The following JOSD1 variants were observed in gnomAD, a reference collection of about 807,000 sequenced individuals.
JOSD1 encodes the protein Josephin domain containing 1.
In JOSD1, 11 loss-of-function variants were observed where a neutral mutation model predicts 24.3. The observed-to-expected ratio is 0.45, with a 90% confidence interval of 0.29 to 0.75. JOSD1 has a LOEUF of 0.75. Ranked by LOEUF, JOSD1 falls within the 30% of genes least tolerant of loss-of-function variation. The pLI, the probability that JOSD1 is intolerant of heterozygous loss-of-function variation, is 0.11. For synonymous variants in JOSD1, 106 were observed against 93.8 expected, an observed-to-expected ratio of 1.13 and a Z score of -0.75; for missense variants, 184 against 253.5, an observed-to-expected ratio of 0.73 and a Z score of 1.86.
At chr22:38,689,902 TA>T (rs1372065311) in intron 2 of JOSD1, among the ~76,000 whole-genome samples, 4 of 124,186 alleles carry the variant, frequency 3.2e-5, no homozygotes, top group Admixed American at 2.6e-4. Context: ...ACGACCCACC[TA>T]AAGGCATTCT....
intron 1 of JOSD1, 38 bp downstream of exon 1, chr22:38,700,762 G>A: frequency 5.1e-6 from 5 of 984,580 alleles, no homozygotes; most frequent in South Asian, 4.7e-5. Context: ...TCGCGCTCCC[G>A]GGCCCGCGCC....
chr22:38,696,407 T>C (rs369807000), intron 2 of JOSD1, among the ~76,000 whole-genome samples: 3 of 152,050 alleles, frequency 2.0e-5, no homozygotes, highest in Admixed American at 1.3e-4. Flanking sequence ...CAGCTAATTT[T>C]TGTTTTTTTT....
chr22:38,694,717 C>T (rs1294196042), intron 2 of JOSD1, among the ~76,000 whole-genome samples: 1 of 151,900 alleles, frequency 6.6e-6, no homozygotes, highest in Non-Finnish European at 1.5e-5. Flanking sequence ...AAAAAAGTAG[C>T]CGGGCGTGGT....
At chr22:38,697,635 G>A (rs1428392974) in intron 2 of JOSD1, among the ~76,000 whole-genome samples, 1 of 152,276 alleles carries the variant, frequency 6.6e-6, no homozygotes, top group Non-Finnish European at 1.5e-5. Context: ...CGAGAAACAG[G>A]AGAGCGGTTA....
intron 2 of JOSD1, among the ~76,000 whole-genome samples, chr22:38,692,559 A>C (rs1424005046): frequency 2.0e-5 from 3 of 152,062 alleles, no homozygotes. Context: ...TGGGAGGATC[A>C]CTTGAGGCCA....
intron 2 of JOSD1, among the ~76,000 whole-genome samples, chr22:38,693,876 G>A (rs1043220197): frequency 6.6e-6 from 1 of 152,132 alleles, no homozygotes; most frequent in African/African-American, 2.4e-5. Context: ...TCCTAGCACC[G>A]ATCAACACTA....
intron 4 of JOSD1, among the ~76,000 whole-genome samples, chr22:38,688,326 G>A (rs1275662698): frequency 6.6e-6 from 1 of 152,214 alleles, no homozygotes; most frequent in Non-Finnish European, 1.5e-5. Context: ...GCAATGGCAT[G>A]ATCTCGGCTC....
At chr22:38,693,329 C>A (rs1218699142) in intron 2 of JOSD1, among the ~76,000 whole-genome samples, 11 of 152,180 alleles carry the variant, frequency 7.2e-5, no homozygotes, top group Non-Finnish European at 5.9e-5. Context: ...CTCTCCTAAC[C>A]AGAGGCTCCT....
intron 2 of JOSD1, among the ~76,000 whole-genome samples, chr22:38,692,753 C>T (rs1301323759): frequency 9.2e-5 from 13 of 140,920 alleles, no homozygotes; most frequent in Non-Finnish European, 1.8e-4. Flanking sequence ...TGTACTCCAG[C>T]CTGGGCAACA....
chr22:38,700,975 A>G (rs954642446), upstream of JOSD1: 3 of 984,534 alleles, frequency 3.0e-6, no homozygotes, highest in South Asian at 4.7e-5. Context: ...CCTGAGCCCG[A>G]CGTCAGCGGC....
At position 38,700,237 on chromosome 22, in the gene JOSD1, G is replaced by T; in HGVS notation, c.-250C>A. On this transcript the variant is annotated 5_prime_UTR_variant, in exon 2 of 5. The change creates a new upstream start codon in the 5' untranslated region. Transcript: ENST00000683374. Reference sequence around the variant, plus strand: ...ATTTTGCTACCACTGTCAAAGTGCAGAATTTAAAAAAACACATAAAATGTA... The same window carrying T: ...ATTTTGCTACCACTGTCAAAGTGCATAATTTAAAAAAACACATAAAATGTA... 8.5e-7 allele frequency: 1 copy of T among 1,179,248 alleles called. No individual in the cohort carries two copies. The highest frequency in any genetic ancestry group is 1.0e-6 in the Non-Finnish European group (1 of 952,680). 73.0% of individuals were successfully genotyped at this position (1,179,248 alleles called of 1,614,324 possible). A position where few individuals can be genotyped will look rare whatever the true frequency, so the allele number is the denominator to read the frequency against.
chr22:38,692,122 C>T (rs1457237104), intron 2 of JOSD1, among the ~76,000 whole-genome samples: 1 of 152,160 alleles, frequency 6.6e-6, no homozygotes, highest in African/African-American at 2.4e-5. Flanking sequence ...ATAACTATAA[C>T]TTATTGAAAA....
intron 2 of JOSD1, among the ~76,000 whole-genome samples, chr22:38,693,227 G>GT (rs890001468): frequency 2.0e-5 from 3 of 152,196 alleles, no homozygotes; most frequent in Non-Finnish European, 4.4e-5. Flanking sequence ...GTTTTGAGGT[G>GT]TACCTTACAG....
Position 38,700,291 on chromosome 22 carries a change from C to T in JOSD1, c.-304G>A. The T allele has an allele frequency of 1.2e-6, 1 of 833,806 alleles. No individual in the cohort carries two copies. The highest frequency in any genetic ancestry group is 1.5e-6 in the Non-Finnish European group (1 of 675,346). The allele number at this position is 833,806 out of a possible 1,614,324, so 51.7% of individuals were successfully genotyped here. The stretch of plus-strand genomic sequence containing the variant: ...CCTTGTTTCCGTTTCCCCACCCTTC[C>T]CTCCCACCCCCCTCCAAAATCCCCA... On this transcript the variant is annotated 5_prime_UTR_variant, in exon 2 of 5. Transcript: ENST00000683374.
At chr22:38,692,781 C>CAAAAAAAAAAAAAAAAAAA (rs61214432) in intron 2 of JOSD1, among the ~76,000 whole-genome samples, 8 of 44,988 alleles carry the variant, frequency 1.8e-4, no homozygotes, top group Non-Finnish European at 2.9e-4. Flanking sequence ...AACTCTGTCT[C>CAAAAAAAAAAAAAAAAAAA]AAAAAAAAAA....
In JOSD1 at chr22:38,700,142, A is replaced by C. The variant is rs916943981; in HGVS notation, c.-155T>G. On this transcript the variant is annotated 5_prime_UTR_variant, in exon 2 of 5. Transcript: ENST00000683374. Reference sequence around the variant, plus strand: ...TTTGTCACTGGGAGAAAAGATTGGAATCAAAAGGAAAAAAATAAAACCCAC... The same window carrying C: ...TTTGTCACTGGGAGAAAAGATTGGACTCAAAAGGAAAAAAATAAAACCCAC... 7.5e-7 allele frequency: 1 copy of C among 1,340,024 alleles called. No individual in the cohort carries two copies. The highest frequency in any genetic ancestry group is 1.5e-5 in the African/African-American group (1 of 65,758). The allele number at this position is 1,340,024 out of a possible 1,614,324, so 83.0% of individuals were successfully genotyped here. A position where few individuals can be genotyped will look rare whatever the true frequency, so the allele number is the denominator to read the frequency against.
chr22:38,694,516 C>T (rs186507054), intron 2 of JOSD1, among the ~76,000 whole-genome samples: 27 of 152,260 alleles, frequency 1.8e-4, no homozygotes, highest in Non-Finnish European at 3.7e-4. Flanking sequence ...GAGCCTCTCA[C>T]TTCTGTCATC....
In JOSD1 at chr22:38,699,870, C is replaced by A; in HGVS notation, c.118G>T (p.Ala40Ser). ...KQRRELCALH[A>S]LNNVFQDSNA... ...CTGTCCTGGAAGACGTTATTGAGGG[C>A]GTGGAGGGCACAAAGCTCCCTGCGC... The change falls in exon 2 of 5, where the codon GCC becomes TCC. Residue 40 changes from alanine to serine, a missense_variant. Physicochemically the swap from Ala to Ser is moderately conservative, Grantham distance 99. Transcript: ENST00000683374. 6.2e-7 allele frequency: 1 copy of A among 1,614,166 alleles called. No individual in the cohort carries two copies. The highest frequency in any genetic ancestry group is 1.7e-5 in the Admixed American group (1 of 60,026).
At chr22:38,696,841 C>T (rs975559980) in intron 2 of JOSD1, among the ~76,000 whole-genome samples, 2 of 152,154 alleles carry the variant, frequency 1.3e-5, no homozygotes, top group African/African-American at 4.8e-5. Context: ...GAAACTCCAC[C>T]CTGCTTTTGT....
Sources: gnomAD v4.1 joint callset for allele counts (sites outside exome capture counted in the v4.1 genomes callset) on GRCh38, gnomAD v4.1.1 for gene constraint, MANE v1.5 for transcripts, NCBI Gene and HGNC (gene_info 2026-07-23, HGNC 2026-07-21) for gene names.